The following ABCA12 variants were observed in gnomAD, a reference collection of about 807,000 sequenced individuals.
The protein encoded by ABCA12 is glucosylceramide transporter ABCA12.
In ABCA12, 156 loss-of-function variants were observed where a neutral mutation model predicts 293.5. The ratio of observed to expected loss-of-function variants is 0.53; its 90% CI spans 0.47 to 0.61. ABCA12 has a LOEUF of 0.61. ABCA12 is among the 20% of genes least tolerant of loss of function. The pLI, the probability that ABCA12 is intolerant of heterozygous loss-of-function variation, is 0.00. For missense variants in ABCA12, 2,797 were observed against 3,090.2 expected (o/e 0.91, Z 2.25); for synonymous variants, 1,063 against 1,108.0 (o/e 0.96, Z 0.81).
chr2:215,137,996 G>T, intron 1 of ABCA12, 144 bp downstream of exon 1: 1 of 865,554 alleles, frequency 1.2e-6, no homozygotes, highest in Non-Finnish European at 2.0e-6. Flanking sequence ...AAGACAGATA[G>T]GGGGATGAAT....
At chr2:214,933,668 C>T (rs1698133041) in intron 52 of ABCA12, among the ~76,000 whole-genome samples, 1 of 152,158 alleles carries the variant, frequency 6.6e-6, no homozygotes, top group South Asian at 2.1e-4. Flanking sequence ...CTGAATTTAA[C>T]AGATCTAAAG....
At chr2:215,135,915 G>T (rs1344432715) in intron 1 of ABCA12, among the ~76,000 whole-genome samples, 1 of 152,110 alleles carries the variant, frequency 6.6e-6, no homozygotes, top group Non-Finnish European at 1.5e-5. Context: ...AACTGTGAAG[G>T]AAATTTCTCT....
intron 4 of ABCA12, among the ~76,000 whole-genome samples, chr2:215,053,702 C>T (rs62202613): frequency 0.19 from 29,152 of 151,728 alleles, 3,038 homozygotes; most frequent in East Asian, 0.4. Context: ...TTAAATATCC[C>T]ATGGCCTTTT....
intron 51 of ABCA12, 36 bp from the exon 52 acceptor site, chr2:214,934,251 T>A: frequency 6.2e-7 from 1 of 1,611,908 alleles, no homozygotes; most frequent in Non-Finnish European, 8.5e-7. Flanking sequence ...TATTTTGCAA[T>A]GTCTGGTAAT....
chr2:215,005,190 T>C (rs1313660579), intron 19 of ABCA12, among the ~76,000 whole-genome samples: 9 of 152,310 alleles, frequency 5.9e-5, no homozygotes, highest in East Asian at 5.8e-4. Context: ...AAGCTATGGC[T>C]AAAGAAGCTA....
intron 11 of ABCA12, chr2:215,022,551 T>A (rs1700653364): frequency 1.3e-5 from 2 of 152,244 alleles, no homozygotes; most frequent in African/African-American, 4.8e-5. Flanking sequence ...TCTTCAAAAG[T>A]ATGTGTCAAC....
At chr2:214,967,607 CTG>C (rs1241044062) in intron 38 of ABCA12, among the ~76,000 whole-genome samples, 1 of 152,030 alleles carries the variant, frequency 6.6e-6, no homozygotes, top group Non-Finnish European at 1.5e-5. Flanking sequence ...AGAATATTTA[CTG>C]TGTGTGTGGA....
intron 2 of ABCA12, among the ~76,000 whole-genome samples, chr2:215,101,898 G>A (rs1702364415): frequency 6.6e-6 from 1 of 152,130 alleles, no homozygotes; most frequent in African/African-American, 2.4e-5. Context: ...GACCGAAGTG[G>A]AAGTCTTAAC....
At chr2:215,055,132 A>G (rs1701394886) in intron 3 of ABCA12, among the ~76,000 whole-genome samples, 1 of 152,100 alleles carries the variant, frequency 6.6e-6, no homozygotes, top group African/African-American at 2.4e-5. Flanking sequence ...GGTTCAAGGA[A>G]GAAGAGAAAG....
chr2:214,932,848 G>A (rs1314738888), intron 52 of ABCA12, 107 bp from the exon 53 acceptor site: 1 of 778,160 alleles, frequency 1.3e-6, no homozygotes, highest in Non-Finnish European at 2.2e-6. Flanking sequence ...GTGCAAGCGT[G>A]TATATATGTG....
At chr2:215,017,282 T>C (rs993147091) in intron 14 of ABCA12, among the ~76,000 whole-genome samples, 1 of 152,204 alleles carries the variant, frequency 6.6e-6, no homozygotes, top group Non-Finnish European at 1.5e-5. Flanking sequence ...TTTGGAAAAT[T>C]TCCATGACAC....
chr2:215,067,807 T>C (rs1701665640), intron 2 of ABCA12, among the ~76,000 whole-genome samples: 1 of 152,172 alleles, frequency 6.6e-6, no homozygotes, highest in Non-Finnish European at 1.5e-5. Flanking sequence ...CAGTCCACGT[T>C]ATTTCAAGGA....
At chr2:215,033,897 T>C (rs574322236) in intron 8 of ABCA12, among the ~76,000 whole-genome samples, 87 of 152,070 alleles carry the variant, frequency 5.7e-4, no homozygotes, top group Non-Finnish European at 9.4e-4. Flanking sequence ...GCCGAGATCA[T>C]GCCACTGCAC....
At chr2:215,133,149 ATTTTTTTTTTTTTTTTTTTTTT>A (rs55641331) in intron 1 of ABCA12, among the ~76,000 whole-genome samples, 4,819 of 35,082 alleles carry the variant, frequency 0.14, 364 homozygotes, top group African/African-American at 0.29. Context: ...GCTGGCTTTA[ATTTTTTTTTTTTTTTTTTTTTT>A]TTTTTTTTTT....
intron 11 of ABCA12, among the ~76,000 whole-genome samples, chr2:215,020,537 A>G (rs61184114): frequency 1 from 151,913 of 152,336 alleles, 75,749 homozygotes; most frequent in East Asian, 1. Flanking sequence ...GGGAAGTAGA[A>G]GATGAGGAGT....
At chr2:215,134,899 T>G (rs1326098896) in intron 1 of ABCA12, among the ~76,000 whole-genome samples, 1 of 152,038 alleles carries the variant, frequency 6.6e-6, no homozygotes, top group African/African-American at 2.4e-5. Context: ...CCACCTGCCT[T>G]GGCCTCTCAA....
At chr2:215,088,316 T>C (rs1702079590) in intron 2 of ABCA12, among the ~76,000 whole-genome samples, 2 of 152,036 alleles carry the variant, frequency 1.3e-5, no homozygotes, top group Admixed American at 1.3e-4. Context: ...CAAGAGACAT[T>C]TGGAAGGACA....
chr2:215,017,897 A>G (rs1406267964), intron 14 of ABCA12, 111 bp downstream of exon 14: 1 of 1,482,646 alleles, frequency 6.7e-7, no homozygotes, highest in Non-Finnish European at 9.3e-7. Flanking sequence ...TAGAAAATTC[A>G]CCAGATTAGC....
At chr2:215,119,752 ATG>A (rs1350081694) in intron 1 of ABCA12, among the ~76,000 whole-genome samples, 10 of 142,958 alleles carry the variant, frequency 7.0e-5, no homozygotes, top group South Asian at 2.1e-4. Flanking sequence ...AAAAAAAAAA[ATG>A]AAAACAAAAC....
Sources: allele counts gnomAD v4.1 joint callset (sites outside exome capture counted in the v4.1 genomes callset), GRCh38; gene constraint gnomAD v4.1.1; transcripts MANE v1.5; gene names NCBI Gene and HGNC (gene_info 2026-07-23, HGNC 2026-07-21).